Variants in COMMD8 observed in about 807,000 individuals in gnomAD.
COMMD8 encodes the protein COMM domain containing 8.
A neutral mutation model predicts 27.2 loss-of-function variants in COMMD8; 28 were observed. That is an observed-to-expected ratio of 1.03 (90% CI 0.76 to 1.41). COMMD8 has a LOEUF of 1.41. COMMD8 is among the 40% of genes most tolerant of loss of function. The probability of loss-of-function intolerance (pLI) is 0.00; values close to 1 mark genes in which losing one functional copy is unlikely to be tolerated. For synonymous variants in COMMD8, 79 were observed against 75.5 expected (o/e 1.05, Z -0.24); for missense variants, 217 against 211.2 (o/e 1.03, Z -0.17).
intron 3 of COMMD8, among the ~76,000 whole-genome samples, chr4:47,455,303 A>T (rs1262707123): frequency 6.6e-6 from 1 of 152,188 alleles, no homozygotes; most frequent in Non-Finnish European, 1.5e-5. Context: ...GGTGTGAGCC[A>T]CCGTGCCTGG....
rs767130327 is a variant in COMMD8 at position 47,460,137 on chromosome 4, A to T, written c.222+7T>A. On this transcript the variant is annotated splice_region_variant and intron_variant, in intron 2 of 4. Transcript: ENST00000381571. Reference sequence around the variant, plus strand: ...TTGTAAGTTATAGAAATGTGCAGAGAAGTTACCTCTTCATCAGGTAAGTTT... The same window carrying T: ...TTGTAAGTTATAGAAATGTGCAGAGTAGTTACCTCTTCATCAGGTAAGTTT... 1.4e-5 allele frequency: 23 copies of T among 1,611,284 alleles called. No individual in the cohort carries two copies. The highest frequency in any genetic ancestry group is 1.8e-5 in the Non-Finnish European group (21 of 1,178,534).
At chr4:47,454,649 T>C (rs1729837839) in intron 3 of COMMD8, among the ~76,000 whole-genome samples, 1 of 152,068 alleles carries the variant, frequency 6.6e-6, no homozygotes, top group Non-Finnish European at 1.5e-5. Context: ...GCAGATCACC[T>C]GAGGTCGGGA....
At chr4:47,459,683 T>A (rs946558318) in intron 2 of COMMD8, among the ~76,000 whole-genome samples, 2 of 152,140 alleles carry the variant, frequency 1.3e-5, no homozygotes, top group Admixed American at 6.5e-5. Flanking sequence ...AGTTATACAC[T>A]GACACACCCC....
At chr4:47,463,527 C>G (rs1730123680) in intron 1 of COMMD8, 59 bp downstream of exon 1, 1 of 1,496,046 alleles carries the variant, frequency 6.7e-7, no homozygotes, top group African/African-American at 1.4e-5. Flanking sequence ...GCCTGATCCG[C>G]ACGCCGGGCT....
chr4:47,460,708 G>A (rs1470169391), intron 1 of COMMD8, among the ~76,000 whole-genome samples: 2 of 151,872 alleles, frequency 1.3e-5, no homozygotes, highest in East Asian at 1.9e-4. Flanking sequence ...GTCTCACTAT[G>A]TTGCCCAGGC....
chr4:47,463,540 C>T, intron 1 of COMMD8, 46 bp downstream of exon 1: 1 of 1,523,650 alleles, frequency 6.6e-7, no homozygotes, highest in South Asian at 1.2e-5. Flanking sequence ...GCCGGGCTGT[C>T]GCGAATCCCA....
In COMMD8 at chr4:47,460,202, A is replaced by G. The variant is rs772655815; in HGVS notation, c.164T>C (p.Leu55Ser). 1.2e-6 allele frequency: 2 copies of G among 1,613,606 alleles called. No homozygotes were observed. The highest frequency in any genetic ancestry group is 1.3e-5 in the African/African-American group (1 of 74,928). The change falls in exon 2 of 5, where the codon TTA becomes TCA. Residue 55 changes from leucine to serine, a missense_variant. Coordinates refer to ENST00000381571, the MANE Select transcript of COMMD8 (RefSeq NM_017845.5). ...VWESEEWMHVLEDIAKFFKAI... is the reference protein window; with the variant it reads ...VWESEEWMHVSEDIAKFFKAI... ...TTTGAAAAATTTGGCAATATCTTCTAAAACGTGCATCCATTCTTCTGATTC... is the reference window on the plus strand; with the variant it reads ...TTTGAAAAATTTGGCAATATCTTCTGAAACGTGCATCCATTCTTCTGATTC...
chr4:47,452,611 T>C (rs531013740), intron 4 of COMMD8, among the ~76,000 whole-genome samples: 16 of 152,314 alleles, frequency 1.1e-4, no homozygotes, highest in Admixed American at 2.0e-4. Flanking sequence ...TCAGAACATA[T>C]TAACAAAGTA....
chr4:47,461,261 T>C (rs1249294320), intron 1 of COMMD8, among the ~76,000 whole-genome samples: 1 of 152,242 alleles, frequency 6.6e-6, no homozygotes, highest in Non-Finnish European at 1.5e-5. Flanking sequence ...TAACATTTAA[T>C]AAGGTTATCT....
Position 47,451,484 on chromosome 4 carries a change from A to G in COMMD8, c.*161T>C. On this transcript the variant is annotated 3_prime_UTR_variant, in exon 5 of 5. Coordinates refer to ENST00000381571, the MANE Select transcript of COMMD8 (RefSeq NM_017845.5). ...CTCTCAACCATGTAATTTCCTGTTA[A>G]GGAATGTTGATAAATTTTTATCTTT... The G allele has an allele frequency of 1.7e-6, 1 of 594,574 alleles. No homozygotes were observed. The highest frequency in any genetic ancestry group is 2.9e-6 in the Non-Finnish European group (1 of 339,654). The allele number at this position is 594,574 out of a possible 1,614,324, so 36.8% of individuals were successfully genotyped here.
At chr4:47,452,979 A>G (rs1390521421) in intron 4 of COMMD8, 80 bp downstream of exon 4, 1 of 1,264,688 alleles carries the variant, frequency 7.9e-7, no homozygotes, top group Non-Finnish European at 1.1e-6. Flanking sequence ...CCTGGGTGAC[A>G]GAGTGAGACT....
intron 1 of COMMD8, among the ~76,000 whole-genome samples, chr4:47,461,758 A>ACAACT (rs111383297): frequency 0.029 from 4,367 of 152,304 alleles, 214 homozygotes; most frequent in African/African-American, 0.1. Context: ...GATCCTCACT[A>ACAACT]CAACTCTGAA....
chr4:47,460,136 G>A lies in COMMD8; in HGVS notation c.222+8C>T, dbSNP rs754155159. Reference sequence around the variant, plus strand: ...ATTGTAAGTTATAGAAATGTGCAGAGAAGTTACCTCTTCATCAGGTAAGTT... The same window carrying A: ...ATTGTAAGTTATAGAAATGTGCAGAAAAGTTACCTCTTCATCAGGTAAGTT... On this transcript the variant is annotated splice_region_variant and intron_variant, in intron 2 of 4. Coordinates refer to ENST00000381571, the MANE Select transcript of COMMD8 (RefSeq NM_017845.5). 7.4e-6 allele frequency: 12 copies of A among 1,610,930 alleles called. No homozygotes were observed. In the South Asian group the frequency reaches 1.2e-4, roughly 16 times the overall value.
rs1560387962 is a variant in COMMD8, at chr4:47,451,497, A to C, written c.*148T>G. On this transcript the variant is annotated 3_prime_UTR_variant, in exon 5 of 5. Transcript: ENST00000381571. ...AATTTCCTGTTAAGGAATGTTGATA[A>C]ATTTTTATCTTTATAATATCAATAT... is the stretch of plus-strand genomic sequence containing the variant. 1.1e-5 allele frequency: 7 copies of C among 627,852 alleles called. No individual in the cohort carries two copies. Among genetic ancestry groups the C allele is most frequent in the Admixed American group, 3.4e-5 (1 of 29,220 alleles). 38.9% of individuals were successfully genotyped at this position (627,852 alleles called of 1,614,324 possible). A position where few individuals can be genotyped will look rare whatever the true frequency, so the allele number is the denominator to read the frequency against.
intron 2 of COMMD8, 164 bp downstream of exon 2, chr4:47,459,980 A>G: frequency 3.9e-6 from 2 of 516,516 alleles, no homozygotes; most frequent in Non-Finnish European, 6.5e-6. Flanking sequence ...ACAACCAAAA[A>G]CAAAACTGCA....
In COMMD8 at chr4:47,451,614, A is replaced by G. The variant is rs1356604053; in HGVS notation, c.*31T>C. ...CTGCCATATAAGTTGGAGCAATAAA[A>G]TCTGATAGGACTGGTATTCATCATT... On this transcript the variant is annotated 3_prime_UTR_variant, in exon 5 of 5. Transcript: ENST00000381571. 1 of 1,577,858 alleles carries G rather than the reference A, an allele frequency of 6.3e-7. No homozygotes were observed. The highest frequency in any genetic ancestry group is 8.7e-7 in the Non-Finnish European group (1 of 1,155,248).
chr4:47,463,458 T>G (rs957247649), intron 1 of COMMD8, 128 bp downstream of exon 1: 2 of 873,462 alleles, frequency 2.3e-6, no homozygotes, highest in Non-Finnish European at 3.4e-6. Context: ...CCACCCGAAA[T>G]CACGCCCCTT....
At chr4:47,452,570 A>G (rs1396244309) in intron 4 of COMMD8, among the ~76,000 whole-genome samples, 2 of 152,228 alleles carry the variant, frequency 1.3e-5, no homozygotes, top group Non-Finnish European at 1.5e-5. Context: ...ATTGAACATT[A>G]CAAGTTATAA....
Position 47,456,686 on chromosome 4 carries a change from G to A in COMMD8, c.266C>T (p.Thr89Ile). ...LNQLNSLHQETIMKCVKSRKD... is the reference protein window; with the variant it reads ...LNQLNSLHQEIIMKCVKSRKD... ...CCTACTTTTCACGCATTTCATGATAGTTTCTTGATGAAGTGAATTCAACTG... is the reference window on the plus strand; with the variant it reads ...CCTACTTTTCACGCATTTCATGATAATTTCTTGATGAAGTGAATTCAACTG... Residue 89 changes from threonine to isoleucine, a missense_variant, in exon 3 of 5, where the codon ACT becomes ATT. Transcript: ENST00000381571. 6.2e-7 allele frequency: 1 copy of A among 1,606,592 alleles called. No individual in the cohort carries two copies. Among genetic ancestry groups the A allele is most frequent in the Non-Finnish European group, 8.5e-7 (1 of 1,177,214 alleles).
Sources: allele counts gnomAD v4.1 joint callset (sites outside exome capture counted in the v4.1 genomes callset), GRCh38; gene constraint gnomAD v4.1.1; transcripts MANE v1.5; gene names NCBI Gene and HGNC (gene_info 2026-07-23, HGNC 2026-07-21).